Variants in RALYL observed in about 807,000 individuals in gnomAD.
The protein encoded by RALYL is RNA-binding Raly-like protein.
In RALYL, 29 loss-of-function variants were observed where a neutral mutation model predicts 35.1. That is an observed-to-expected ratio of 0.83 (90% CI 0.61 to 1.13). The LOEUF (loss-of-function observed/expected upper bound fraction) is 1.13. Among genes scored for constraint, RALYL ranks in the 50% most tolerant of loss-of-function variants. The pLI is 0.00. For synonymous variants in RALYL, 120 were observed against 127.6 expected (o/e 0.94, Z 0.40); for missense variants, 359 against 360.4 (o/e 1.00, Z 0.03).
intron 3 of RALYL, among the ~76,000 whole-genome samples, chr8:84,785,706 A>C (rs1819279690): frequency 6.6e-6 from 1 of 152,140 alleles, no homozygotes; most frequent in Non-Finnish European, 1.5e-5. Flanking sequence ...TAATTTATTT[A>C]TAATAGTGAG....
intron 2 of RALYL, among the ~76,000 whole-genome samples, chr8:84,638,371 T>C (rs554498860): frequency 4.0e-5 from 6 of 151,704 alleles, no homozygotes; most frequent in Non-Finnish European, 8.8e-5. Context: ...AGAGCACAAA[T>C]GGACAATCTA....
intron 1 of RALYL, among the ~76,000 whole-genome samples, chr8:84,455,639 C>T (rs1320304043): frequency 6.6e-6 from 1 of 151,972 alleles, no homozygotes; most frequent in Non-Finnish European, 1.5e-5. Flanking sequence ...CAATCACAAA[C>T]ATCCATAATA....
intron 2 of RALYL, among the ~76,000 whole-genome samples, chr8:84,715,195 A>G (rs2132535070): frequency 6.6e-6 from 1 of 152,042 alleles, no homozygotes; most frequent in Middle Eastern, 3.6e-3. Context: ...TGATAATAAA[A>G]TTGACAAATA....
chr8:84,732,178 C>T (rs73298148), intron 2 of RALYL, among the ~76,000 whole-genome samples: 3,125 of 152,112 alleles, frequency 0.021, 119 homozygotes, highest in African/African-American at 0.071. Context: ...ATCTGTACCT[C>T]TTGTTAGTCT....
chr8:84,398,095 T>G (rs2131908423), intron 1 of RALYL, among the ~76,000 whole-genome samples: 1 of 152,336 alleles, frequency 6.6e-6, no homozygotes, highest in South Asian at 2.1e-4. Context: ...TGGCACAGAC[T>G]CAGCTATTAA....
At chr8:84,811,692 T>C (rs991473566) in intron 4 of RALYL, among the ~76,000 whole-genome samples, 1 of 152,188 alleles carries the variant, frequency 6.6e-6, no homozygotes, top group Non-Finnish European at 1.5e-5. Flanking sequence ...CCAGACTTCT[T>C]AGAGGCTTTG....
chr8:84,459,801 C>T (rs759748565), intron 1 of RALYL, among the ~76,000 whole-genome samples: 21 of 151,730 alleles, frequency 1.4e-4, no homozygotes, highest in Non-Finnish European at 2.7e-4. Context: ...GGAAATGGCA[C>T]TGAGAACTCA....
chr8:84,839,978 C>G (rs1260978754), intron 4 of RALYL, among the ~76,000 whole-genome samples: 2 of 152,124 alleles, frequency 1.3e-5, no homozygotes, highest in Admixed American at 6.5e-5. Context: ...ACGTCACCAT[C>G]ATCAAAGACC....
chr8:84,345,066 T>A (rs866831724), intron 1 of RALYL, among the ~76,000 whole-genome samples: 1 of 151,872 alleles, frequency 6.6e-6, no homozygotes, highest in African/African-American at 2.4e-5. Context: ...CTGGATCATA[T>A]GATAATTCTA....
At chr8:84,188,483 C>T (rs1290077671) in intron 1 of RALYL, among the ~76,000 whole-genome samples, 1 of 152,044 alleles carries the variant, frequency 6.6e-6, no homozygotes, top group African/African-American at 2.4e-5. Context: ...TGTAAAGATG[C>T]CATTTCCATA....
chr8:84,345,258 C>T (rs1389075243), intron 1 of RALYL, among the ~76,000 whole-genome samples: 3 of 151,936 alleles, frequency 2.0e-5, no homozygotes, highest in Admixed American at 2.0e-4. Context: ...CTCAGAAAGT[C>T]ACCAACTATA....
chr8:84,463,567 T>C (rs911739687), intron 1 of RALYL, among the ~76,000 whole-genome samples: 11 of 152,172 alleles, frequency 7.2e-5, no homozygotes, highest in Middle Eastern at 3.4e-3. Flanking sequence ...TTTGGCATTG[T>C]GAAATTCAGA....
chr8:84,386,529 A>G (rs1859237167), intron 1 of RALYL, among the ~76,000 whole-genome samples: 4 of 151,842 alleles, frequency 2.6e-5, no homozygotes, highest in Non-Finnish European at 5.9e-5. Context: ...ATATAGTTCC[A>G]TTGGGTAGTA....
chr8:84,732,683 T>TATATATATATATACACACACAC, intron 2 of RALYL, among the ~76,000 whole-genome samples: 90 of 133,232 alleles, frequency 6.8e-4, no homozygotes, highest in Admixed American at 8.7e-4. Flanking sequence ...TATATATATA[T>TATATATATATATACACACACAC]ACACACACAC....
At chr8:84,486,082 T>G (rs1206148206) in intron 1 of RALYL, among the ~76,000 whole-genome samples, 1 of 149,742 alleles carries the variant, frequency 6.7e-6, no homozygotes, top group African/African-American at 2.4e-5. Flanking sequence ...CATGGTATGA[T>G]TCCCCAACTT....
chr8:84,469,688 C>T (rs1472857830), intron 1 of RALYL, among the ~76,000 whole-genome samples: 1 of 152,224 alleles, frequency 6.6e-6, no homozygotes, highest in Non-Finnish European at 1.5e-5. Context: ...TTCCCAGCTG[C>T]TTTGTTTACC....
At chr8:84,840,312 C>T (rs887042662) in intron 4 of RALYL, among the ~76,000 whole-genome samples, 2 of 151,928 alleles carry the variant, frequency 1.3e-5, no homozygotes, top group Admixed American at 6.6e-5. Flanking sequence ...ACCAGAACTA[C>T]GTGATGAATG....
intron 8 of RALYL, among the ~76,000 whole-genome samples, chr8:84,904,599 A>T (rs1310427877): frequency 6.6e-6 from 1 of 151,910 alleles, no homozygotes; most frequent in Non-Finnish European, 1.5e-5. Context: ...TCTGTTAGCC[A>T]CTCATGAGAA....
intron 1 of RALYL, among the ~76,000 whole-genome samples, chr8:84,411,183 T>C (rs1209315989): frequency 1.3e-5 from 2 of 151,872 alleles, no homozygotes; most frequent in Non-Finnish European, 2.9e-5. Flanking sequence ...CCCATGGTAT[T>C]ATCATTAAGA....
Sources: gnomAD v4.1 joint callset for allele counts (sites outside exome capture counted in the v4.1 genomes callset) on GRCh38, gnomAD v4.1.1 for gene constraint, MANE v1.5 for transcripts, NCBI Gene and HGNC (gene_info 2026-07-23, HGNC 2026-07-21) for gene names.